Variants in SLC25A48 observed in about 807,000 individuals in gnomAD.
SLC25A48 encodes the protein CTC-321K16.1.
A neutral mutation model predicts 32.2 loss-of-function variants in SLC25A48; 29 were observed. That is an observed-to-expected ratio of 0.90 (90% CI 0.67 to 1.23). SLC25A48 has a LOEUF of 1.23. Ranked by LOEUF, SLC25A48 falls within the 50% of genes most tolerant of loss-of-function variation. SLC25A48 has a pLI of 0.00. For missense variants in SLC25A48, 399 were observed against 422.7 expected (o/e 0.94, Z 0.49); for synonymous variants, 164 against 172.3 (o/e 0.95, Z 0.38).
intron 3 of SLC25A48, among the ~76,000 whole-genome samples, chr5:135,783,804 C>T (rs1483285666): frequency 8.4e-6 from 1 of 118,720 alleles, no homozygotes; most frequent in Non-Finnish European, 2.1e-5. Context: ...AATATCATTC[C>T]TAATATACAG....
At chr5:135,678,624 A>T (rs762891002) in intron 3 of SLC25A48, among the ~76,000 whole-genome samples, 25 of 152,146 alleles carry the variant, frequency 1.6e-4, no homozygotes, top group Non-Finnish European at 3.7e-4. Context: ...TTACATTGAT[A>T]TCTGCACATC....
chr5:135,753,077 C>G lies in SLC25A48; in HGVS notation c.-520-59446C>G, dbSNP rs1486346312. Among the ~76,000 whole-genome samples the G allele has an allele frequency of 2.0e-5, 3 of 152,016 alleles. No individual in the cohort carries two copies. In the East Asian group the frequency reaches 5.8e-4, roughly 29 times the overall value. On this transcript the variant is annotated intron_variant, in intron 3 of 10. Coordinates refer to the SLC25A48 transcript ENST00000646290. ...GGGGTGTACGTACATATGGTGTACA[C>G]CTGCTATGATATTAGCAATAATTGC...
intron 4 of SLC25A48, among the ~76,000 whole-genome samples, chr5:135,864,066 G>C (rs1761008219): frequency 6.6e-6 from 1 of 152,170 alleles, no homozygotes; most frequent in African/African-American, 2.4e-5. Flanking sequence ...AGGTGAAGAA[G>C]GTTCTAATTT....
At chr5:135,667,936 G>A (rs1753562719) in intron 3 of SLC25A48, among the ~76,000 whole-genome samples, 2 of 152,134 alleles carry the variant, frequency 1.3e-5, no homozygotes, top group African/African-American at 4.8e-5. Flanking sequence ...TCTCACCTGT[G>A]GAGCTAAGTG....
chr5:135,852,696 C>G lies in SLC25A48; in HGVS notation c.296C>G (p.Pro99Arg). Reference sequence around the variant, plus strand: ...CGCTGCGGGGAGCCAGAGGCCAGTCCTCCCCGCACGCTGTCAGACCTGCTC... The same window carrying G: ...CGCTGCGGGGAGCCAGAGGCCAGTCGTCCCCGCACGCTGTCAGACCTGCTC... ...QHRCGEPEAS[P>R]PRTLSDLLLA... Residue 99 changes from proline to arginine, a missense_variant, in exon 4 of 8, where the codon CCT (proline) becomes CGT (arginine). Physicochemically the swap from Pro to Arg is moderately radical, Grantham distance 103. Transcript: ENST00000681962. The G allele has an allele frequency of 6.2e-7, 1 of 1,614,154 alleles. No homozygotes were observed. The highest frequency in any genetic ancestry group is 8.5e-7 in the Non-Finnish European group (1 of 1,180,002).
chr5:135,635,124 G>T (rs1399021983), intron 3 of SLC25A48, among the ~76,000 whole-genome samples: 2 of 152,148 alleles, frequency 1.3e-5, no homozygotes, highest in East Asian at 3.9e-4. Context: ...TCCTCTGTCT[G>T]CAGGAAAACT....
intron 1 of SLC25A48, among the ~76,000 whole-genome samples, chr5:135,624,637 C>T (rs1282109082): frequency 6.6e-6 from 1 of 152,116 alleles, no homozygotes. Context: ...TTTTATGGGT[C>T]TTCTTAAATG....
intron 3 of SLC25A48, among the ~76,000 whole-genome samples, chr5:135,711,907 C>G (rs1237845488): frequency 1.3e-5 from 2 of 152,052 alleles, no homozygotes; most frequent in Non-Finnish European, 2.9e-5. Flanking sequence ...TGTACCCACC[C>G]CTTCACTGGC....
At chr5:135,869,349 C>G (rs1340780598) in intron 4 of SLC25A48, among the ~76,000 whole-genome samples, 2 of 152,066 alleles carry the variant, frequency 1.3e-5, no homozygotes, top group African/African-American at 4.8e-5. Flanking sequence ...GCAATAAAAG[C>G]TAGATTGGTT....
At chr5:135,691,124 C>G (rs1352270444) in intron 3 of SLC25A48, among the ~76,000 whole-genome samples, 1 of 152,194 alleles carries the variant, frequency 6.6e-6, no homozygotes, top group Non-Finnish European at 1.5e-5. Flanking sequence ...GTCACACATT[C>G]AGCGCTTCTC....
intron 3 of SLC25A48, among the ~76,000 whole-genome samples, chr5:135,739,952 A>G (rs1303935099): frequency 1.3e-5 from 2 of 152,160 alleles, no homozygotes; most frequent in Non-Finnish European, 2.9e-5. Context: ...TCTACTCACA[A>G]GTGGTTACTT....
intron 3 of SLC25A48, among the ~76,000 whole-genome samples, chr5:135,713,206 C>A (rs1027680520): frequency 3.3e-5 from 5 of 152,184 alleles, no homozygotes; most frequent in African/African-American, 1.2e-4. Context: ...TTAACAAGAT[C>A]CCCAGGAGAT....
chr5:135,703,497 G>A, intron 3 of SLC25A48, among the ~76,000 whole-genome samples: 1 of 152,168 alleles, frequency 6.6e-6, no homozygotes, highest in East Asian at 1.9e-4. Context: ...TAACAGGGTG[G>A]GCATTTTAAA....
At chr5:135,878,492 G>T (rs533278585) in intron 6 of SLC25A48, among the ~76,000 whole-genome samples, 1 of 152,318 alleles carries the variant, frequency 6.6e-6, no homozygotes, top group East Asian at 1.9e-4. Flanking sequence ...ACAGCTCGAG[G>T]GCTTGGCTGA....
At chr5:135,686,621 T>G (rs2126954696) in intron 3 of SLC25A48, among the ~76,000 whole-genome samples, 1 of 152,362 alleles carries the variant, frequency 6.6e-6, no homozygotes, top group East Asian at 1.9e-4. Flanking sequence ...GCAGGGGCAC[T>G]GCGTCTCTCC....
At chr5:135,630,118 C>A (rs548809981) in intron 2 of SLC25A48, among the ~76,000 whole-genome samples, 1 of 152,246 alleles carries the variant, frequency 6.6e-6, no homozygotes, top group East Asian at 1.9e-4. Context: ...AATGGCTCAG[C>A]TAGAATATGG....
At chr5:135,833,551 T>TTGC (rs1758284343), upstream of SLC25A48, among the ~76,000 whole-genome samples, 1 of 152,190 alleles carries the variant, frequency 6.6e-6, no homozygotes, top group Non-Finnish European at 1.5e-5. Context: ...CTCTGAAGCC[T>TTGC]CAAGACTGAG....
At chr5:135,711,811 G>T (rs75439044) in intron 3 of SLC25A48, among the ~76,000 whole-genome samples, 4,640 of 152,058 alleles carry the variant, frequency 0.031, 247 homozygotes, top group African/African-American at 0.1. Context: ...CCCTCATTCT[G>T]CTCCGTTTAT....
chr5:135,679,931 G>A (rs1041515068), intron 3 of SLC25A48, among the ~76,000 whole-genome samples: 3 of 152,098 alleles, frequency 2.0e-5, no homozygotes, highest in East Asian at 3.9e-4. Flanking sequence ...GTTAGTCTAG[G>A]GGCTCATGAA....
Sources: allele counts gnomAD v4.1 joint callset (sites outside exome capture counted in the v4.1 genomes callset), GRCh38; gene constraint gnomAD v4.1.1; transcripts MANE v1.5; gene names NCBI Gene and HGNC (gene_info 2026-07-23, HGNC 2026-07-21).